Variants in C7 observed in about 807,000 individuals in gnomAD.
C7 encodes complement C7.
In C7, 83 loss-of-function variants were observed where a neutral mutation model predicts 104.8. That is an observed-to-expected ratio of 0.79 (90% CI 0.66 to 0.95). C7 has a LOEUF of 0.95. Among genes scored for constraint, C7 ranks in the 40% least tolerant of loss-of-function variants. The pLI is 0.00. For synonymous variants in C7, 415 were observed against 360.6 expected, an observed-to-expected ratio of 1.15 and a Z score of -1.71; for missense variants, 1,070 against 1,011.2, an observed-to-expected ratio of 1.06 and a Z score of -0.79.
chr5:40,942,176 A>G (rs1417828404), intron 6 of C7, among the ~76,000 whole-genome samples: 1 of 152,214 alleles, frequency 6.6e-6, no homozygotes, highest in Non-Finnish European at 1.5e-5. Flanking sequence ...AAGATAATTA[A>G]TTATAGTCAA....
intron 17 of C7, among the ~76,000 whole-genome samples, chr5:40,980,988 GCT>G (rs1740929483): frequency 6.6e-6 from 1 of 152,122 alleles, no homozygotes; most frequent in Non-Finnish European, 1.5e-5. Context: ...TGCATGCCAT[GCT>G]CTCTCTCAAA....
chr5:40,979,581 G>T lies in C7; in HGVS notation c.2166-144G>T, dbSNP rs187796838. ...GTGAGTTGGACCTAGGAATGAAGGG[G>T]ATTTGAGTTTCCACCTTTTTTTTTT... On this transcript the variant is annotated intron_variant, in intron 16 of 17. Transcript: ENST00000313164. The T allele has an allele frequency of 4.0e-5, 24 of 600,358 alleles. No individual in the cohort carries two copies. In the East Asian group the frequency reaches 6.0e-4, roughly 15 times the overall value. The allele number at this position is 600,358 out of a possible 1,614,324, so 37.2% of individuals were successfully genotyped here. A position where few individuals can be genotyped will look rare whatever the true frequency, so the allele number is the denominator to read the frequency against.
chr5:40,973,552 G>A (rs1740747124), intron 15 of C7, among the ~76,000 whole-genome samples: 1 of 152,194 alleles, frequency 6.6e-6, no homozygotes, highest in African/African-American at 2.4e-5. Flanking sequence ...GATGTGAAGT[G>A]GATGAGAGGC....
In C7 at chr5:40,962,173, G is replaced by A. The variant is rs747281479; in HGVS notation, c.1749+1G>A. ...TGCCTTGAAAGATGGATTTGTTCAA[G>A]TTGGTTATGAAAGATATTTTTTTCC... On this transcript the variant is annotated splice_donor_variant, in intron 13 of 17. Coordinates refer to ENST00000313164, the MANE Select transcript of C7 (RefSeq NM_000587.4). LOFTEE classifies it high-confidence loss of function. The A allele has an allele frequency of 4.6e-6, 7 of 1,534,652 alleles. No individual in the cohort carries two copies. In the African/African-American group the frequency reaches 6.8e-5, roughly 15 times the overall value.
intron 4 of C7, 54 bp from the exon 5 acceptor site, chr5:40,936,284 G>C (rs914656266): frequency 1.9e-6 from 3 of 1,585,316 alleles, no homozygotes; most frequent in Non-Finnish European, 1.7e-6. Context: ...GTCCTGGGTA[G>C]TGTTTCTCCT....
chr5:40,976,917 T>C, intron 16 of C7, 77 bp downstream of exon 16: 2 of 1,145,442 alleles, frequency 1.7e-6, no homozygotes, highest in Non-Finnish European at 2.5e-6. Flanking sequence ...ATAGTGTCTG[T>C]TGGATGGAAG....
At chr5:40,947,944 A>T in intron 8 of C7, 99 bp downstream of exon 8, 3 of 1,230,210 alleles carry the variant, frequency 2.4e-6, no homozygotes, top group South Asian at 1.3e-5. Flanking sequence ...AAAATTTGAC[A>T]AACAGAAATT....
chr5:40,974,924 A>G (rs1430854973), intron 15 of C7, among the ~76,000 whole-genome samples: 2 of 152,088 alleles, frequency 1.3e-5, no homozygotes, highest in Non-Finnish European at 2.9e-5. Context: ...TCTTCTGTGC[A>G]TTGCAGGGTG....
intron 16 of C7, among the ~76,000 whole-genome samples, chr5:40,978,515 GGT>G (rs1740868290): frequency 6.6e-6 from 1 of 152,096 alleles, no homozygotes; most frequent in African/African-American, 2.4e-5. Flanking sequence ...GGTATTGTAA[GGT>G]CTTTACCCTT....
At chr5:40,966,938 G>A (rs553297231) in intron 14 of C7, among the ~76,000 whole-genome samples, 1 of 152,218 alleles carries the variant, frequency 6.6e-6, no homozygotes, top group Admixed American at 6.5e-5. Flanking sequence ...ATATTTGCTA[G>A]TTGGGAGTTA....
intron 6 of C7, 95 bp downstream of exon 6, chr5:40,937,785 G>C: frequency 9.8e-7 from 1 of 1,018,736 alleles, no homozygotes; most frequent in African/African-American, 1.7e-5. Flanking sequence ...ATTTACTTAT[G>C]GCCTAATGTG....
intron 1 of C7, among the ~76,000 whole-genome samples, chr5:40,926,085 C>T (rs1739544247): frequency 6.6e-6 from 1 of 152,170 alleles, no homozygotes; most frequent in Non-Finnish European, 1.5e-5. Flanking sequence ...GGATTTATTC[C>T]TGAAATGCAA....
At position 40,962,082 on chromosome 5, in the gene C7, C is replaced by T. The variant is rs1393869657; in HGVS notation, c.1662-3C>T. On this transcript the variant is annotated splice_polypyrimidine_tract_variant and splice_region_variant and intron_variant, in intron 12 of 17. Coordinates refer to ENST00000313164, the MANE Select transcript of C7 (RefSeq NM_000587.4). ...ACATTAATTACATTTTTTTTCCTTC[C>T]AGGTTGCTTGAACCACATTGCTTTC... 2 of 1,489,606 alleles carry T rather than the reference C, an allele frequency of 1.3e-6. No individual in the cohort carries two copies. 92.3% of individuals were successfully genotyped at this position (1,489,606 alleles called of 1,614,324 possible).
chr5:40,942,137 C>A (rs1012452841), intron 6 of C7, among the ~76,000 whole-genome samples: 1 of 151,888 alleles, frequency 6.6e-6, no homozygotes, highest in African/African-American at 2.4e-5. Context: ...CCATTGTAAG[C>A]GGAAGAGTGA....
intron 17 of C7, among the ~76,000 whole-genome samples, chr5:40,981,189 C>A (rs753801228): frequency 6.6e-6 from 1 of 152,188 alleles, no homozygotes; most frequent in Non-Finnish European, 1.5e-5. Context: ...AGCCTGCTAC[C>A]AACCTCAAAA....
intron 8 of C7, 31 bp downstream of exon 8, chr5:40,947,876 G>A (rs368101911): frequency 3.8e-6 from 6 of 1,596,626 alleles, no homozygotes; most frequent in South Asian, 1.1e-5. Context: ...TTGTCTAAAG[G>A]CATTTCTGGG....
intron 14 of C7, 97 bp downstream of exon 14, chr5:40,964,970 G>A (rs955343706): frequency 2.5e-5 from 35 of 1,387,882 alleles, no homozygotes; most frequent in Non-Finnish European, 3.4e-5. Flanking sequence ...CCATGTGTTG[G>A]CCTTCCTTTC....
intron 8 of C7, among the ~76,000 whole-genome samples, chr5:40,949,029 G>A (rs1053822184): frequency 6.6e-6 from 1 of 151,800 alleles, no homozygotes; most frequent in African/African-American, 2.4e-5. Flanking sequence ...GCAACGACAA[G>A]GACACTATTT....
chr5:40,934,208 G>A (rs780572501), intron 3 of C7, 117 bp from the exon 4 acceptor site: 47 of 1,050,088 alleles, frequency 4.5e-5, no homozygotes, highest in Non-Finnish European at 5.3e-5. Context: ...TTTTCCAGAC[G>A]TTGTTTTTCT....
Sources: allele counts gnomAD v4.1 joint callset (sites outside exome capture counted in the v4.1 genomes callset), GRCh38; gene constraint gnomAD v4.1.1; transcripts MANE v1.5; gene names NCBI Gene and HGNC (gene_info 2026-07-23, HGNC 2026-07-21).